The following CRYBG1 variants were observed in gnomAD, a reference collection of about 807,000 sequenced individuals.
CRYBG1 encodes the protein beta/gamma crystallin domain-containing protein 1.
In CRYBG1, 139 loss-of-function variants were observed where a neutral mutation model predicts 189.2. That is an observed-to-expected ratio of 0.73 (90% CI 0.64 to 0.85). The LOEUF (loss-of-function observed/expected upper bound fraction) is 0.85, where lower values mean the gene tolerates loss of function less well. CRYBG1 is among the 40% of genes least tolerant of loss of function. CRYBG1 has a pLI of 0.00. For synonymous variants in CRYBG1, 1,023 were observed against 1,017.1 expected (o/e 1.01, Z -0.11); for missense variants, 2,611 against 2,675.8 (o/e 0.98, Z 0.53).
rs751197987 is a variant in CRYBG1, at chr6:106,541,566, T to A, written c.4846-20T>A. On this transcript the variant is annotated intron_variant, in intron 9 of 21. Coordinates refer to ENST00000633556, the MANE Select transcript of CRYBG1 (RefSeq NM_001371242.2). The stretch of plus-strand genomic sequence containing the variant: ...TGTATCAGTGAAAAACTATTTTTCT[T>A]ACTATGTTGTTTTTTTCAGGGTGGC... 1.9e-6 allele frequency: 3 copies of A among 1,609,712 alleles called. No homozygotes were observed. The highest frequency in any genetic ancestry group is 2.6e-6 in the Non-Finnish European group (3 of 1,176,196).
chr6:106,418,429 C>G (rs572720603), intron 1 of CRYBG1, among the ~76,000 whole-genome samples: 2 of 152,126 alleles, frequency 1.3e-5, no homozygotes, highest in Non-Finnish European at 2.9e-5. Flanking sequence ...GGGGTTTTAC[C>G]GGGGACCCAC....
chr6:106,498,054 T>A (rs1241621256), intron 2 of CRYBG1, among the ~76,000 whole-genome samples: 1 of 143,678 alleles, frequency 7.0e-6, no homozygotes, highest in Non-Finnish European at 1.5e-5. Context: ...TGAGCCAAGA[T>A]CACACCACTG....
At chr6:106,414,698 T>C (rs181744174) in intron 1 of CRYBG1, among the ~76,000 whole-genome samples, 1 of 152,210 alleles carries the variant, frequency 6.6e-6, no homozygotes, top group Non-Finnish European at 1.5e-5. Flanking sequence ...GAGAGGAACA[T>C]GGTGAGAGTG....
intron 2 of CRYBG1, among the ~76,000 whole-genome samples, chr6:106,461,217 C>T (rs1245531914): frequency 1.3e-5 from 2 of 150,972 alleles, no homozygotes; most frequent in Non-Finnish European, 3.0e-5. Context: ...CATCTCTAAT[C>T]AAGACAGGTG....
chr6:106,564,644 G>C (rs1315874970), intron 21 of CRYBG1, among the ~76,000 whole-genome samples: 3 of 152,196 alleles, frequency 2.0e-5, no homozygotes, highest in African/African-American at 4.8e-5. Flanking sequence ...CAAGTTCCCA[G>C]GTGTTGCCAA....
At chr6:106,562,140 C>CA (rs75428444) in intron 20 of CRYBG1, among the ~76,000 whole-genome samples, 8,833 of 151,720 alleles carry the variant, frequency 0.058, 452 homozygotes, top group East Asian at 0.19. Flanking sequence ...AACAAAAAAC[C>CA]AAAAAAAACC....
chr6:106,548,867 A>G (rs541171293), intron 13 of CRYBG1, among the ~76,000 whole-genome samples: 1 of 148,504 alleles, frequency 6.7e-6, no homozygotes, highest in Non-Finnish European at 1.5e-5. Flanking sequence ...AGCATTAGGT[A>G]TATCTCCTAA....
At chr6:106,500,157 T>C (rs1772970979) in intron 2 of CRYBG1, among the ~76,000 whole-genome samples, 1 of 152,254 alleles carries the variant, frequency 6.6e-6, no homozygotes, top group African/African-American at 2.4e-5. Flanking sequence ...TTCAACATAC[T>C]GATTTCATTT....
At chr6:106,391,568 T>TC (rs1315791237) in intron 1 of CRYBG1, among the ~76,000 whole-genome samples, 2 of 129,394 alleles carry the variant, frequency 1.5e-5, no homozygotes, top group Non-Finnish European at 3.5e-5. Context: ...AGACCATCAG[T>TC]CTTTTTTTTT....
intron 1 of CRYBG1, among the ~76,000 whole-genome samples, chr6:106,387,568 G>A (rs1052990242): frequency 6.6e-6 from 1 of 152,118 alleles, no homozygotes; most frequent in African/African-American, 2.4e-5. Flanking sequence ...CCTAGTAAGG[G>A]TTTTAGATAC....
rs898895793 is a variant in CRYBG1, at chr6:106,515,176, T to C, written c.1922+2137T>C. Among the ~76,000 whole-genome samples the C allele has an allele frequency of 2.6e-5, 4 of 152,242 alleles. No homozygotes were observed. In the East Asian group the frequency reaches 5.8e-4, roughly 22 times the overall value. ...GAATGTTGAAATTCTTAAAATGGTA[T>C]ATGTAGAATAAGGAGAATTTTCCTC... On this transcript the variant is annotated intron_variant, in intron 3 of 21. Transcript: ENST00000633556.
chr6:106,464,382 A>G (rs1482154432), intron 2 of CRYBG1, among the ~76,000 whole-genome samples: 1 of 151,870 alleles, frequency 6.6e-6, no homozygotes, highest in Non-Finnish European at 1.5e-5. Flanking sequence ...AATCCCAGCT[A>G]CTTGGGAGGC....
chr6:106,520,839 A>G lies in CRYBG1; in HGVS notation c.3631A>G (p.Ser1211Gly). 6.2e-7 allele frequency: 1 copy of G among 1,614,190 alleles called. No homozygotes were observed. The highest frequency in any genetic ancestry group is 1.3e-5 in the African/African-American group (1 of 75,046). ...KSLHTNTNGN[S>G]EPLVMPEIND... is the part of the protein sequence containing the mutation. ...CCTGCACACCAACACTAATGGGAACAGTGAGCCTCTGGTGATGCCGGAAAT... is the reference window on the plus strand; with the variant it reads ...CCTGCACACCAACACTAATGGGAACGGTGAGCCTCTGGTGATGCCGGAAAT... Residue 1211 changes from serine (S) to glycine (G), a missense_variant, in exon 4 of 22, where the codon AGT becomes GGT. Physicochemically the swap from Ser to Gly is moderately conservative, Grantham distance 56. Transcript: ENST00000633556.
At chr6:106,436,471 A>T (rs9373863) in intron 1 of CRYBG1, among the ~76,000 whole-genome samples, 25,583 of 151,818 alleles carry the variant, frequency 0.17, 2,299 homozygotes, top group African/African-American at 0.23. Context: ...CTGTTTTGTA[A>T]TTTTAGTAGA....
intron 1 of CRYBG1, among the ~76,000 whole-genome samples, chr6:106,440,667 T>A (rs1771551414): frequency 6.6e-6 from 1 of 152,234 alleles, no homozygotes; most frequent in African/African-American, 2.4e-5. Context: ...AAGCTAGTGA[T>A]GCATTTGTGT....
chr6:106,501,491 C>A (rs900449774), intron 2 of CRYBG1, among the ~76,000 whole-genome samples: 1 of 152,188 alleles, frequency 6.6e-6, no homozygotes, highest in Non-Finnish European at 1.5e-5. Context: ...CAGTTGAGAA[C>A]CATAAATTCA....
chr6:106,419,269 G>A (rs925902522), intron 1 of CRYBG1, among the ~76,000 whole-genome samples: 3 of 152,154 alleles, frequency 2.0e-5, no homozygotes, highest in Non-Finnish European at 4.4e-5. Flanking sequence ...TTCATTAAAA[G>A]GGAAACCTTA....
At chr6:106,504,282 C>T (rs147250946) in intron 2 of CRYBG1, among the ~76,000 whole-genome samples, 3 of 152,200 alleles carry the variant, frequency 2.0e-5, no homozygotes, top group Non-Finnish European at 4.4e-5. Context: ...TTGGTTATAT[C>T]ATATGAAATT....
chr6:106,370,399 C>T (rs1386979628), intron 1 of CRYBG1, among the ~76,000 whole-genome samples: 1 of 152,218 alleles, frequency 6.6e-6, no homozygotes, highest in Non-Finnish European at 1.5e-5. Flanking sequence ...AGAGGCATGG[C>T]AGAATTTCTC....
Sources: gnomAD v4.1 joint callset for allele counts (sites outside exome capture counted in the v4.1 genomes callset) on GRCh38, gnomAD v4.1.1 for gene constraint, MANE v1.5 for transcripts, NCBI Gene and HGNC (gene_info 2026-07-23, HGNC 2026-07-21) for gene names.